Variants in GRIK2 observed in about 807,000 individuals in gnomAD.
The protein encoded by GRIK2 is glutamate ionotropic receptor kainate type subunit 2.
A neutral mutation model predicts 100.3 loss-of-function variants in GRIK2; 32 were observed. The ratio of observed to expected loss-of-function variants is 0.32; its 90% CI spans 0.24 to 0.43. The LOEUF is 0.43. Ranked by LOEUF, GRIK2 falls within the 20% of genes least tolerant of loss-of-function variation. The pLI is 1.00. For missense variants in GRIK2, 843 were observed against 1,114.9 expected, an observed-to-expected ratio of 0.76 and a Z score of 3.47; for synonymous variants, 417 against 389.4, an observed-to-expected ratio of 1.07 and a Z score of -0.83.
intron 2 of GRIK2, among the ~76,000 whole-genome samples, chr6:101,521,800 A>G (rs1264182725): frequency 6.6e-6 from 1 of 151,844 alleles, no homozygotes; most frequent in East Asian, 1.9e-4. Context: ...TTTCTGGTTT[A>G]TGCACTCAGA....
At chr6:101,991,461 A>C (rs1427078440) in intron 14 of GRIK2, among the ~76,000 whole-genome samples, 1 of 151,042 alleles carries the variant, frequency 6.6e-6, no homozygotes, top group African/African-American at 2.4e-5. Context: ...AATATGAAAC[A>C]CAAATAAATA....
chr6:102,057,864 A>G (rs1425932172), intron 16 of GRIK2, among the ~76,000 whole-genome samples: 4 of 151,762 alleles, frequency 2.6e-5, no homozygotes, highest in Non-Finnish European at 5.9e-5. Context: ...AACTCTCACA[A>G]ACATTTTATA....
At chr6:101,432,334 T>A (rs1489784712) in intron 2 of GRIK2, among the ~76,000 whole-genome samples, 2 of 152,216 alleles carry the variant, frequency 1.3e-5, no homozygotes, top group Non-Finnish European at 2.9e-5. Flanking sequence ...ACTAGAAAGA[T>A]GAGTCTTTGC....
At chr6:101,942,514 A>G (rs1228510076) in intron 14 of GRIK2, among the ~76,000 whole-genome samples, 5 of 152,184 alleles carry the variant, frequency 3.3e-5, no homozygotes, top group Non-Finnish European at 7.3e-5. Context: ...TGATAGTGAT[A>G]TGGACAGTGA....
chr6:101,966,060 C>T (rs1324852516), intron 14 of GRIK2, among the ~76,000 whole-genome samples: 1 of 151,910 alleles, frequency 6.6e-6, no homozygotes, highest in Non-Finnish European at 1.5e-5. Context: ...CTTTATGTGC[C>T]AAATTCTTGA....
At chr6:101,778,623 C>T (rs1455715571) in intron 7 of GRIK2, among the ~76,000 whole-genome samples, 1 of 152,042 alleles carries the variant, frequency 6.6e-6, no homozygotes, top group African/African-American at 2.4e-5. Flanking sequence ...AGAATGACTT[C>T]TCACCAGAAG....
chr6:101,792,108 C>T (rs1412420407), intron 7 of GRIK2, among the ~76,000 whole-genome samples: 13 of 151,602 alleles, frequency 8.6e-5, no homozygotes, highest in Admixed American at 2.0e-4. Context: ...TGTCTCTGCA[C>T]GTGAGATGGG....
At chr6:101,626,255 A>G in intron 3 of GRIK2, 125 bp from the exon 4 acceptor site, 1 of 869,724 alleles carries the variant, frequency 1.1e-6, no homozygotes, top group South Asian at 1.8e-5. Flanking sequence ...AAGTAGATAT[A>G]TATTTTTTAA....
At chr6:101,773,478 CAAAAAA>C (rs10635667) in intron 7 of GRIK2, among the ~76,000 whole-genome samples, 1 of 88,940 alleles carries the variant, frequency 1.1e-5, no homozygotes, top group Non-Finnish European at 2.7e-5. Context: ...GACTTTGTCT[CAAAAAA>C]AAAAAAAAAG....
At chr6:101,431,553 T>G (rs1419579750) in intron 2 of GRIK2, 1 of 151,722 alleles carries the variant, frequency 6.6e-6, no homozygotes, top group African/African-American at 2.4e-5. Context: ...CCATGGAGAG[T>G]GGGTTGGCAG....
At chr6:102,059,652 A>G (rs996972356) in intron 16 of GRIK2, among the ~76,000 whole-genome samples, 1 of 151,002 alleles carries the variant, frequency 6.6e-6, no homozygotes, top group East Asian at 1.9e-4. Context: ...TATAAGATAT[A>G]ATAATTTTAA....
At chr6:101,847,604 C>T (rs1783885452) in intron 10 of GRIK2, among the ~76,000 whole-genome samples, 1 of 152,040 alleles carries the variant, frequency 6.6e-6, no homozygotes, top group Non-Finnish European at 1.5e-5. Context: ...CCAAACTTCC[C>T]GTCTTTGTAG....
chr6:101,703,560 G>C (rs1490520659), intron 7 of GRIK2, among the ~76,000 whole-genome samples: 1 of 151,784 alleles, frequency 6.6e-6, no homozygotes, highest in Non-Finnish European at 1.5e-5. Context: ...GGAATGTGAG[G>C]TGAGAGAGAA....
chr6:101,924,531 C>CA, intron 12 of GRIK2, 70 bp from the exon 13 acceptor site: 6 of 814,582 alleles, frequency 7.4e-6, no homozygotes, highest in South Asian at 6.0e-5. Context: ...TCTTTTGCAG[C>CA]AAAAAATGCT....
At chr6:101,533,206 G>A (rs1166446569) in intron 2 of GRIK2, among the ~76,000 whole-genome samples, 1 of 151,766 alleles carries the variant, frequency 6.6e-6, no homozygotes, top group Non-Finnish European at 1.5e-5. Flanking sequence ...TAGATCTCTT[G>A]TGCAGGGGAT....
intron 2 of GRIK2, among the ~76,000 whole-genome samples, chr6:101,446,522 C>A (rs1188085752): frequency 6.6e-6 from 1 of 151,668 alleles, no homozygotes; most frequent in Non-Finnish European, 1.5e-5. Context: ...ACACTAAGAA[C>A]CTTATGGTTT....
intron 2 of GRIK2, among the ~76,000 whole-genome samples, chr6:101,542,566 T>C (rs1400266536): frequency 2.0e-5 from 3 of 152,142 alleles, no homozygotes; most frequent in Non-Finnish European, 4.4e-5. Flanking sequence ...TCAGCAAATA[T>C]GCATAAAAGA....
At position 101,468,773 on chromosome 6, in the gene GRIK2, A is replaced by C. The variant is rs886170886; in HGVS notation, c.115+69381A>C. Among the ~76,000 whole-genome samples, 6 of 152,258 alleles carry C rather than the reference A, an allele frequency of 3.9e-5. No homozygotes were observed. In the South Asian group the frequency reaches 1.2e-3, roughly 32 times the overall value. On this transcript the variant is annotated intron_variant, in intron 2 of 16. Transcript: ENST00000369134. ...ATCCAGTAAACCACAGAATGAAGTA[A>C]TAGTTTACTTAAAATCTAATCAAGA...
rs536960898 is a variant in GRIK2 at position 101,400,508 on chromosome 6, G to A, written c.115+1116G>A. On this transcript the variant is annotated intron_variant, in intron 2 of 16. Coordinates refer to ENST00000369134, the MANE Select transcript of GRIK2 (RefSeq NM_021956.5). ...AGGCACTTCCTCTGACAGTTCAAGT[G>A]GATTCAGACCAAAGAGTGCAGGACA... Among the ~76,000 whole-genome samples the A allele has an allele frequency of 1.9e-4, 29 of 152,276 alleles. No homozygotes were observed. The South Asian group carries it at 6.0e-3, about 32-fold the overall frequency.
Sources: allele counts gnomAD v4.1 joint callset (sites outside exome capture counted in the v4.1 genomes callset), GRCh38; gene constraint gnomAD v4.1.1; transcripts MANE v1.5; gene names NCBI Gene and HGNC (gene_info 2026-07-23, HGNC 2026-07-21).